The following ATOSA variants were observed in gnomAD, a reference collection of about 807,000 sequenced individuals.
ATOSA encodes the protein atos homolog A, also known as atos homolog protein A.
At chr15:52,689,973 TGGTC>T in the ATOSA span, among the ~76,000 whole-genome samples, 1 of 152,254 alleles carries the variant, frequency 6.6e-6, no homozygotes, top group Non-Finnish European at 1.5e-5. Flanking sequence ...ATGGCAATGA[TGGTC>T]CATTTTTCTG....
At chr15:52,593,108 T>C in the ATOSA span, among the ~76,000 whole-genome samples, 1 of 151,492 alleles carries the variant, frequency 6.6e-6, no homozygotes, top group Non-Finnish European at 1.5e-5. Context: ...ACTGCACCAC[T>C]GCATTCCAGC....
the ATOSA span, among the ~76,000 whole-genome samples, chr15:52,601,542 A>G: frequency 5.6e-3 from 848 of 151,784 alleles, 9 homozygotes; most frequent in Non-Finnish European, 0.011. Flanking sequence ...AAAAAAAAAA[A>G]AAAGAAAACC....
At chr15:52,622,789 G>A in the ATOSA span, among the ~76,000 whole-genome samples, 1 of 151,950 alleles carries the variant, frequency 6.6e-6, no homozygotes, top group African/African-American at 2.4e-5. Flanking sequence ...GAAGGTGAAT[G>A]AGGCTGAAAT....
At chr15:52,648,593 C>G in the ATOSA span, 1 of 151,936 alleles carries the variant, frequency 6.6e-6, no homozygotes, top group Non-Finnish European at 1.5e-5. Context: ...ACCCACCACC[C>G]AAAATTTGAA....
At chr15:52,624,715 T>A in the ATOSA span, among the ~76,000 whole-genome samples, 5 of 152,114 alleles carry the variant, frequency 3.3e-5, no homozygotes, top group African/African-American at 4.8e-5. Context: ...AATTCCACAA[T>A]CACTGAAATA....
At chr15:52,652,465 T>G in the ATOSA span, among the ~76,000 whole-genome samples, 1 of 152,086 alleles carries the variant, frequency 6.6e-6, no homozygotes, top group Admixed American at 6.6e-5. Context: ...TTTACAACAA[T>G]CAGAATAAAG....
chr15:52,622,184 T>C, the ATOSA span, among the ~76,000 whole-genome samples: 1 of 152,316 alleles, frequency 6.6e-6, no homozygotes. Context: ...GGTTACTTTA[T>C]ACTGGCATTT....
At chr15:52,646,584 A>T in the ATOSA span, among the ~76,000 whole-genome samples, 1 of 152,130 alleles carries the variant, frequency 6.6e-6, no homozygotes, top group Non-Finnish European at 1.5e-5. Context: ...ACCCATCTAC[A>T]AGGGTACTAA....
the ATOSA span, among the ~76,000 whole-genome samples, chr15:52,650,753 C>T: frequency 1.4e-3 from 215 of 152,296 alleles, 1 homozygote; most frequent in African/African-American, 5.0e-3. Context: ...ACTCATCAGA[C>T]ATACATCACT....
the ATOSA span, chr15:52,584,784 T>C: frequency 1.2e-6 from 2 of 1,613,786 alleles, no homozygotes; most frequent in Non-Finnish European, 1.7e-6. Context: ...TTCTTCTGTG[T>C]GTCGGATGTT....
the ATOSA span, among the ~76,000 whole-genome samples, chr15:52,694,346 A>T: frequency 6.6e-6 from 1 of 151,898 alleles, no homozygotes; most frequent in Non-Finnish European, 1.5e-5. Flanking sequence ...CTGCATTTTT[A>T]GTAGAGACAG....
chr15:52,626,896 G>A, the ATOSA span, among the ~76,000 whole-genome samples: 2 of 152,154 alleles, frequency 1.3e-5, no homozygotes, highest in East Asian at 3.8e-4. Context: ...TTCTGTAACA[G>A]TTATTCAGCC....
At chr15:52,607,632 G>A in the ATOSA span, among the ~76,000 whole-genome samples, 1 of 152,094 alleles carries the variant, frequency 6.6e-6, no homozygotes, top group African/African-American at 2.4e-5. Flanking sequence ...CCCATATGGT[G>A]AAGTATCAAA....
the ATOSA span, among the ~76,000 whole-genome samples, chr15:52,618,105 C>T: frequency 1.3e-5 from 2 of 151,916 alleles, no homozygotes; most frequent in African/African-American, 4.8e-5. Context: ...GTGACACAAT[C>T]TCAGCTCACT....
At chr15:52,588,492 G>A in the ATOSA span, among the ~76,000 whole-genome samples, 1 of 152,150 alleles carries the variant, frequency 6.6e-6, no homozygotes, top group Non-Finnish European at 1.5e-5. Context: ...GGGCTGGAGT[G>A]CAGTGGCACA....
At chr15:52,675,665 C>A in the ATOSA span, among the ~76,000 whole-genome samples, 87 of 152,264 alleles carry the variant, frequency 5.7e-4, no homozygotes, top group Admixed American at 1.2e-3. Flanking sequence ...TCCCAGCACA[C>A]TGGGAGGCCG....
the ATOSA span, among the ~76,000 whole-genome samples, chr15:52,696,321 A>G: frequency 6.6e-6 from 1 of 151,938 alleles, no homozygotes; most frequent in Non-Finnish European, 1.5e-5. Flanking sequence ...CCTGGATTCT[A>G]TTTCCAAATA....
chr15:52,679,819 CCT>C, the ATOSA span, among the ~76,000 whole-genome samples: 2 of 123,502 alleles, frequency 1.6e-5, no homozygotes, highest in African/African-American at 6.4e-5. Context: ...TTCCCCCCCT[CCT>C]CCTCCTCCTC....
At chr15:52,589,210 C>T in the ATOSA span, among the ~76,000 whole-genome samples, 1 of 152,240 alleles carries the variant, frequency 6.6e-6, no homozygotes, top group Non-Finnish European at 1.5e-5. Flanking sequence ...CTCTTACAAT[C>T]TGCCCTACGT....
Sources: allele counts gnomAD v4.1 joint callset (sites outside exome capture counted in the v4.1 genomes callset), GRCh38; gene constraint gnomAD v4.1.1; transcripts MANE v1.5; gene names NCBI Gene and HGNC (gene_info 2026-07-23, HGNC 2026-07-21).